The following HPCAL1 variants were observed in gnomAD, a reference collection of about 807,000 sequenced individuals.
HPCAL1 encodes the protein hippocalcin like 1.
A neutral mutation model predicts 17.1 loss-of-function variants in HPCAL1; 8 were observed. The ratio of observed to expected loss-of-function variants is 0.47; its 90% CI spans 0.27 to 0.84. The LOEUF is 0.84. Among genes scored for constraint, HPCAL1 ranks in the 40% least tolerant of loss-of-function variants. The pLI is 0.13. For synonymous variants in HPCAL1, 112 were observed against 111.4 expected (o/e 1.01, Z -0.03); for missense variants, 165 against 271.1 (o/e 0.61, Z 2.75).
rs963686513 is a variant in HPCAL1 at position 10,323,830 on chromosome 2, G to A, written c.-111+20653G>A. On this transcript the variant is annotated intron_variant, in intron 1 of 4. Transcript: ENST00000307845. The surrounding 1 kb of genome is among the most constrained non-coding windows in gnomAD (Gnocchi z 4.6). ...AATAACAACAACAACAAAAATCTGC[G>A]TCTTGTCGGAACTTCCATATACACT... is the stretch of plus-strand genomic sequence containing the variant. Among the ~76,000 whole-genome samples the A allele has an allele frequency of 3.3e-5, 5 of 152,154 alleles. No individual in the cohort carries two copies. The highest frequency in any genetic ancestry group is 1.2e-4 in the African/African-American group (5 of 41,422).
intron 1 of HPCAL1, among the ~76,000 whole-genome samples, chr2:10,325,579 G>A (rs914291509): frequency 2.4e-4 from 37 of 152,120 alleles, no homozygotes; most frequent in Non-Finnish European, 5.0e-4. Flanking sequence ...AACCTTCCTC[G>A]CCAGCATCCT....
At chr2:10,309,672 T>C (rs1662833096) in intron 1 of HPCAL1, among the ~76,000 whole-genome samples, 2 of 152,142 alleles carry the variant, frequency 1.3e-5, no homozygotes, top group African/African-American at 2.4e-5. Flanking sequence ...AGAGGTCTCC[T>C]GGTAAATAGA....
intron 1 of HPCAL1, chr2:10,324,480 C>T (rs925196069): frequency 6.6e-6 from 1 of 152,224 alleles, no homozygotes; most frequent in African/African-American, 2.4e-5. Flanking sequence ...TCAGTTTCCT[C>T]GCTTTGGGGA....
chr2:10,399,241 T>TCACCACCACCACCACCACCACCAC (rs1558517511), intron 2 of HPCAL1, among the ~76,000 whole-genome samples: 1 of 12,058 alleles, frequency 8.3e-5, no homozygotes. Flanking sequence ...ACCACCACCA[T>TCACCACCACCACCACCACCACCAC]CACCACCACC....
chr2:10,399,221 C>A (rs1572815117), intron 2 of HPCAL1, among the ~76,000 whole-genome samples: 1 of 140,186 alleles, frequency 7.1e-6, no homozygotes. Context: ...CCACCACCAC[C>A]ACCACCACCA....
chr2:10,391,108 T>C (rs897167352), intron 1 of HPCAL1, among the ~76,000 whole-genome samples: 9 of 152,196 alleles, frequency 5.9e-5, no homozygotes, highest in African/African-American at 2.2e-4. Context: ...TCCCTGTACC[T>C]AACACACATG....
rs1183836677 is a variant in HPCAL1, at chr2:10,344,113, AG to A, written c.-111+40937del. ...AAACAAAACACAACACGAAAAAGCCAGAACAAAACAAGCAGACGGTTGAGGA... is the reference window on the plus strand; with the variant it reads ...AAACAAAACACAACACGAAAAAGCCAAACAAAACAAGCAGACGGTTGAGGA... On this transcript the variant is annotated intron_variant, in intron 1 of 4. Coordinates refer to ENST00000307845, the MANE Select transcript of HPCAL1 (RefSeq NM_002149.4). The surrounding 1 kb of genome is among the most constrained non-coding windows in gnomAD (Gnocchi z 4.9). Among the ~76,000 whole-genome samples the A allele has an allele frequency of 4.6e-5, 7 of 152,224 alleles. No homozygotes were observed. The highest frequency in any genetic ancestry group is 1.7e-4 in the African/African-American group (7 of 41,454).
intron 1 of HPCAL1, among the ~76,000 whole-genome samples, chr2:10,339,382 T>C (rs1485448083): frequency 1.3e-5 from 2 of 152,028 alleles, no homozygotes; most frequent in African/African-American, 4.8e-5. Context: ...CTCGGCTCAC[T>C]GCAACCTCCG....
intron 1 of HPCAL1, among the ~76,000 whole-genome samples, chr2:10,388,567 T>C (rs1312299325): frequency 6.6e-6 from 1 of 152,256 alleles, no homozygotes; most frequent in Non-Finnish European, 1.5e-5. Flanking sequence ...CCCGTCTGTC[T>C]CTGCTGCCCC....
At chr2:10,396,018 G>C (rs1392407498) in intron 1 of HPCAL1, among the ~76,000 whole-genome samples, 1 of 152,208 alleles carries the variant, frequency 6.6e-6, no homozygotes, top group Non-Finnish European at 1.5e-5. Flanking sequence ...AGGGAGGCGG[G>C]CCCGTCCCGA....
At chr2:10,307,177 C>T (rs1662680891) in intron 1 of HPCAL1, among the ~76,000 whole-genome samples, 1 of 152,180 alleles carries the variant, frequency 6.6e-6, no homozygotes, top group African/African-American at 2.4e-5. Flanking sequence ...TAAGAAAACT[C>T]AGGATTGTTA....
chr2:10,398,479 T>C (rs3771146), intron 2 of HPCAL1, among the ~76,000 whole-genome samples: 19,181 of 152,226 alleles, frequency 0.13, 1,511 homozygotes, highest in Non-Finnish European at 0.17. Flanking sequence ...TCAGTGTTCA[T>C]GATGGGGTTC....
intron 1 of HPCAL1, among the ~76,000 whole-genome samples, chr2:10,334,460 G>C (rs1664587781): frequency 6.6e-6 from 1 of 151,986 alleles, no homozygotes; most frequent in Non-Finnish European, 1.5e-5. Context: ...GTGAGCTGTG[G>C]TCACACCACT....
At chr2:10,307,021 G>A (rs150182750) in intron 1 of HPCAL1, among the ~76,000 whole-genome samples, 4 of 152,314 alleles carry the variant, frequency 2.6e-5, no homozygotes, top group Admixed American at 2.0e-4. Context: ...CAGCTGGGTT[G>A]TCTGGGTATT....
intron 1 of HPCAL1, among the ~76,000 whole-genome samples, chr2:10,376,320 T>A (rs1667557740): frequency 6.6e-6 from 1 of 152,232 alleles, no homozygotes; most frequent in African/African-American, 2.4e-5. Flanking sequence ...TTCAGTCTTG[T>A]GCTGAAATTG....
At chr2:10,424,268 G>A (rs1671263086) in intron 4 of HPCAL1, 1 of 343,982 alleles carries the variant, frequency 2.9e-6, no homozygotes, top group Admixed American at 3.8e-5. Context: ...CAGGCAGCCA[G>A]GTCACAGTTT....
intron 1 of HPCAL1, among the ~76,000 whole-genome samples, chr2:10,336,128 G>A (rs1177853615): frequency 3.5e-5 from 5 of 142,038 alleles, no homozygotes; most frequent in African/African-American, 1.1e-4. Context: ...TTGCATGTTC[G>A]TATCCTCTGC....
At chr2:10,391,780 G>A (rs533894276) in intron 1 of HPCAL1, among the ~76,000 whole-genome samples, 28 of 152,270 alleles carry the variant, frequency 1.8e-4, no homozygotes, top group Admixed American at 1.4e-3. Flanking sequence ...ACAGAGTCTC[G>A]CTCTGTTGCC....
chr2:10,324,724 G>T (rs1013713844), intron 1 of HPCAL1, among the ~76,000 whole-genome samples: 1 of 150,852 alleles, frequency 6.6e-6, no homozygotes, highest in Non-Finnish European at 1.5e-5. Flanking sequence ...ATACCTGCTG[G>T]GGGAGGGGGT....
Sources: gnomAD v4.1 joint callset for allele counts (sites outside exome capture counted in the v4.1 genomes callset) on GRCh38, gnomAD v4.1.1 for gene constraint, Gnocchi (gnomAD v3.1) non-coding constraint, MANE v1.5 for transcripts, NCBI Gene and HGNC (gene_info 2026-07-23, HGNC 2026-07-21) for gene names.